The following CMIP variants were observed in gnomAD, a reference collection of about 807,000 sequenced individuals.
CMIP encodes c-Maf inducing protein, also known as C-Maf-inducing protein.
In CMIP, 13 loss-of-function variants were observed where a neutral mutation model predicts 97.3. That is an observed-to-expected ratio of 0.13 (90% CI 0.09 to 0.21). CMIP has a LOEUF of 0.21. Ranked by LOEUF, CMIP falls within the 10% of genes least tolerant of loss-of-function variation. CMIP has a pLI of 1.00. For missense variants in CMIP, 847 were observed against 1,024.9 expected (o/e 0.83, Z 2.37); for synonymous variants, 538 against 436.3 (o/e 1.23, Z -2.91).
intron 1 of CMIP, among the ~76,000 whole-genome samples, chr16:81,527,374 A>G (rs2090152635): frequency 6.6e-6 from 1 of 152,202 alleles, no homozygotes; most frequent in Non-Finnish European, 1.5e-5. Flanking sequence ...TACCAGAAAA[A>G]AACACCAACA....
At chr16:81,503,186 C>A (rs116569431) in intron 1 of CMIP, among the ~76,000 whole-genome samples, 239 of 152,272 alleles carry the variant, frequency 1.6e-3, no homozygotes, top group African/African-American at 5.4e-3. Context: ...GTCTTGAATT[C>A]CAGGAGATCC....
chr16:81,512,935 C>G (rs964024543), intron 1 of CMIP, among the ~76,000 whole-genome samples: 1 of 152,132 alleles, frequency 6.6e-6, no homozygotes, highest in East Asian at 1.9e-4. Context: ...TGGGGTTTCT[C>G]CATGTTGCCC....
chr16:81,568,724 G>A (rs1298627121), intron 1 of CMIP, among the ~76,000 whole-genome samples: 3 of 152,226 alleles, frequency 2.0e-5, no homozygotes, highest in East Asian at 1.9e-4. Context: ...AAACCACAAA[G>A]GCAAGGAGAG....
chr16:81,571,486 C>T (rs1182917330), intron 1 of CMIP, among the ~76,000 whole-genome samples: 4 of 149,310 alleles, frequency 2.7e-5, no homozygotes, highest in Non-Finnish European at 3.0e-5. Flanking sequence ...AAGAGCCCAG[C>T]GCAGTGGCTC....
intron 1 of CMIP, among the ~76,000 whole-genome samples, chr16:81,476,931 G>T (rs757416127): frequency 6.6e-6 from 1 of 152,026 alleles, no homozygotes; most frequent in Non-Finnish European, 1.5e-5. Flanking sequence ...GAAGATGAAT[G>T]AAAAGACCCC....
At chr16:81,601,224 C>T (rs749680322) in intron 1 of CMIP, among the ~76,000 whole-genome samples, 3 of 152,184 alleles carry the variant, frequency 2.0e-5, no homozygotes, top group Non-Finnish European at 4.4e-5. Flanking sequence ...TTTTGGGGTC[C>T]GGGAGCTCCT....
At position 81,621,851 on chromosome 16, in the gene CMIP, GCA is replaced by G. The variant is rs1488182987; in HGVS notation, c.477+926_477+927del. On this transcript the variant is annotated intron_variant, in intron 3 of 20. Coordinates refer to ENST00000537098, the MANE Select transcript of CMIP (RefSeq NM_198390.3). This position sits in a 1 kb window ranked among gnomAD's most constrained non-coding sequence, Gnocchi z 4.1. ...GCTCCCCCAACGGCCAGGGTTGGGGGCAGAAAGGCAACCCCAGATAATTACTT... is the reference window on the plus strand; with the variant it reads ...GCTCCCCCAACGGCCAGGGTTGGGGGGAAAGGCAACCCCAGATAATTACTT... 2 of 152,440 alleles carry G rather than the reference GCA, an allele frequency of 1.3e-5. No homozygotes were observed. The highest frequency in any genetic ancestry group is 3.9e-4 in the East Asian group (2 of 5,178). The allele number at this position is 152,440 out of a possible 1,614,324, so 9.4% of individuals were successfully genotyped here. A position where few individuals can be genotyped will look rare whatever the true frequency, so the allele number is the denominator to read the frequency against.
At chr16:81,615,348 T>C (rs1186404385) in intron 2 of CMIP, among the ~76,000 whole-genome samples, 2 of 149,554 alleles carry the variant, frequency 1.3e-5, no homozygotes, top group South Asian at 4.2e-4. Context: ...TCTTTGTGTG[T>C]GTGGTATGTG....
intron 20 of CMIP, among the ~76,000 whole-genome samples, chr16:81,707,710 C>T (rs924224355): frequency 1.3e-5 from 2 of 152,222 alleles, no homozygotes; most frequent in African/African-American, 2.4e-5. Context: ...AAGAAACACA[C>T]GTGCACATCT....
chr16:81,634,877 G>C (rs1597173899), intron 3 of CMIP, among the ~76,000 whole-genome samples: 1 of 152,148 alleles, frequency 6.6e-6, no homozygotes. Context: ...ACTAGATAAA[G>C]TTCTTAGTGA....
Position 81,704,010 on chromosome 16 carries a change from C to T in CMIP, c.2016C>T (p.Thr672=), listed in dbSNP as rs760126134. The T allele has an allele frequency of 3.9e-5, 63 of 1,604,248 alleles. No individual in the cohort carries two copies. The highest frequency in any genetic ancestry group is 5.0e-5 in the Non-Finnish European group (59 of 1,176,152). ...GNLENLSLAF[T]NVTSACAEHL... is the part of the protein sequence containing the mutation. ...TGGAGAACCTCAGTTTGGCCTTCAC[C>T]AATGTAACCAGTGCCTGCGCCGAGC... The change falls in exon 18 of 21, where the codon ACC becomes ACT. Residue 672 remains threonine, a synonymous_variant. Transcript: ENST00000537098.
chr16:81,445,412 G>A lies in CMIP; in HGVS notation c.171G>A (p.Glu57=), dbSNP rs776113966. Residue 57 remains glutamate, a synonymous_variant, in exon 1 of 21, where the codon GAG becomes GAA. Coordinates refer to ENST00000537098, the MANE Select transcript of CMIP (RefSeq NM_198390.3). ...GGATGAGGTACAAACTGCTGCAGGAGGGCGACATTCAGGTCTGTGTCATCC... is the reference window on the plus strand; with the variant it reads ...GGATGAGGTACAAACTGCTGCAGGAAGGCGACATTCAGGTCTGTGTCATCC... The part of the protein sequence containing the change: ...CNGMRYKLLQ[E]GDIQVCVIRH... 63 of 1,601,040 alleles carry A rather than the reference G, an allele frequency of 3.9e-5. No individual in the cohort carries two copies. Among genetic ancestry groups the A allele is most frequent in the Non-Finnish European group, 4.6e-5 (54 of 1,174,146 alleles).
At chr16:81,594,368 C>A (rs1278135722) in intron 1 of CMIP, among the ~76,000 whole-genome samples, 1 of 151,702 alleles carries the variant, frequency 6.6e-6, no homozygotes, top group Non-Finnish European at 1.5e-5. Context: ...CATCCACCAG[C>A]CTCAGCCTCC....
intron 1 of CMIP, among the ~76,000 whole-genome samples, chr16:81,596,404 G>A (rs1036063560): frequency 4.6e-5 from 7 of 151,558 alleles, no homozygotes; most frequent in Non-Finnish European, 8.8e-5. Context: ...TACTCGGGAG[G>A]CTGAGGGAAG....
chr16:81,664,404 C>A, intron 7 of CMIP, 55 bp downstream of exon 7: 1 of 1,513,794 alleles, frequency 6.6e-7, no homozygotes, highest in Non-Finnish European at 9.0e-7. Flanking sequence ...TGAGGCCCCG[C>A]GCGCCTCCCT....
chr16:81,556,286 G>A (rs1001602377), intron 1 of CMIP, among the ~76,000 whole-genome samples: 4 of 152,204 alleles, frequency 2.6e-5, no homozygotes, highest in East Asian at 1.9e-4. Context: ...AGGTGGCGGC[G>A]GGCACTAGGT....
At chr16:81,601,308 A>G (rs2091653389) in intron 1 of CMIP, among the ~76,000 whole-genome samples, 1 of 152,158 alleles carries the variant, frequency 6.6e-6, no homozygotes. Flanking sequence ...ATCCCCATGG[A>G]AACCAGCAGG....
intron 1 of CMIP, among the ~76,000 whole-genome samples, chr16:81,459,868 G>C (rs1906797919): frequency 6.6e-6 from 1 of 152,202 alleles, no homozygotes; most frequent in African/African-American, 2.4e-5. Flanking sequence ...CCACTCTTAG[G>C]AGGTGGCCTT....
intron 11 of CMIP, among the ~76,000 whole-genome samples, chr16:81,692,537 C>G (rs920280156): frequency 7.9e-5 from 12 of 152,220 alleles, no homozygotes; most frequent in Non-Finnish European, 1.2e-4. Context: ...CTCGAAGGAG[C>G]CGATTACCAA....
Sources: gnomAD v4.1 joint callset for allele counts (sites outside exome capture counted in the v4.1 genomes callset) on GRCh38, gnomAD v4.1.1 for gene constraint, Gnocchi (gnomAD v3.1) non-coding constraint, MANE v1.5 for transcripts, NCBI Gene and HGNC (gene_info 2026-07-23, HGNC 2026-07-21) for gene names.